Variants in ESCO2 observed in about 807,000 individuals in gnomAD.
ESCO2 encodes the protein N-acetyltransferase ESCO2.
In ESCO2, 51 loss-of-function variants were observed where a neutral mutation model predicts 61.7. The ratio of observed to expected loss-of-function variants is 0.83; its 90% confidence interval spans 0.66 to 1.04. The LOEUF is 1.04. Among genes scored for constraint, ESCO2 ranks in the 50% least tolerant of loss-of-function variants. ESCO2 has a pLI of 0.00. For synonymous variants in ESCO2, 230 were observed against 238.2 expected (o/e 0.97, Z 0.32); for missense variants, 692 against 686.2 (o/e 1.01, Z -0.09).
At chr8:27,808,816 G>C (rs955742180), downstream of ESCO2, among the ~76,000 whole-genome samples, 8 of 152,034 alleles carry the variant, frequency 5.3e-5, no homozygotes, top group Non-Finnish European at 7.4e-5. Flanking sequence ...TTTTCTTCCA[G>C]TTGGTAGCAG....
the ESCO2 span, among the ~76,000 whole-genome samples, chr8:27,819,184 C>T: frequency 6.6e-6 from 1 of 152,096 alleles, no homozygotes; most frequent in African/African-American, 2.4e-5. Context: ...GAACATGTAT[C>T]CTCAAAGAGG....
In ESCO2 at chr8:27,803,566, A is replaced by ACG. The variant is rs1491012950; in HGVS notation, c.*130_*131dup. ...CACACTCATACACACACACACACACACGCACACACACATATCACAGTTTTG... is the reference window on the plus strand; with the variant it reads ...CACACTCATACACACACACACACACACGCGCACACACACATATCACAGTTTTG... On this transcript the variant is annotated 3_prime_UTR_variant, in exon 11 of 11. Transcript: ENST00000305188. 5 of 1,452,010 alleles carry ACG rather than the reference A, an allele frequency of 3.4e-6. 1 individual carries two copies. Among genetic ancestry groups the ACG allele is most frequent in the South Asian group, 1.4e-5 (1 of 69,428 alleles). 89.9% of individuals were successfully genotyped at this position (1,452,010 alleles called of 1,614,324 possible). A position where few individuals can be genotyped will look rare whatever the true frequency, so the allele number is the denominator to read the frequency against.
chr8:27,783,464 A>G (rs1353385039), intron 4 of ESCO2, among the ~76,000 whole-genome samples: 1 of 152,122 alleles, frequency 6.6e-6, no homozygotes, highest in Admixed American at 6.5e-5. Context: ...AAATTTTTTA[A>G]TTTGATAAAG....
rs374472539 is a variant in ESCO2, at chr8:27,791,947, T to C, written c.1264-16T>C. On this transcript the variant is annotated splice_polypyrimidine_tract_variant and intron_variant, in intron 7 of 10. Coordinates refer to ENST00000305188, the MANE Select transcript of ESCO2 (RefSeq NM_001017420.3). ...TTCACAAATTAAACTGTGACCCTTT[T>C]GTTTTCCTTTGGCAGGGTTGGAAGA... 14 of 1,613,316 alleles carry C rather than the reference T, an allele frequency of 8.7e-6. No homozygotes were observed. The highest frequency in any genetic ancestry group is 1.2e-5 in the Non-Finnish European group (14 of 1,179,372).
downstream of ESCO2, chr8:27,812,017 T>C (rs966646291): frequency 2.0e-5 from 3 of 152,200 alleles, no homozygotes; most frequent in Admixed American, 6.5e-5. Flanking sequence ...CTAAACAACA[T>C]ATCAACTGCA....
At chr8:27,816,355 A>T (rs561876262), downstream of ESCO2, among the ~76,000 whole-genome samples, 238 of 140,950 alleles carry the variant, frequency 1.7e-3, 10 homozygotes, top group African/African-American at 4.4e-3. Flanking sequence ...ATATATATAT[A>T]TATTTATTTA....
At chr8:27,781,213 T>C (rs1452066080) in intron 4 of ESCO2, among the ~76,000 whole-genome samples, 1 of 152,226 alleles carries the variant, frequency 6.6e-6, no homozygotes, top group Non-Finnish European at 1.5e-5. Context: ...GGTCCTGATA[T>C]GCCCATTTAT....
intron 7 of ESCO2, 73 bp downstream of exon 7, chr8:27,789,051 T>G: frequency 6.3e-7 from 1 of 1,582,792 alleles, no homozygotes; most frequent in Non-Finnish European, 8.6e-7. Context: ...CCACCACCTC[T>G]ACCACCCAGC....
intron 6 of ESCO2, among the ~76,000 whole-genome samples, 187 bp downstream of exon 6, chr8:27,788,189 A>AT (rs1420210569): frequency 3.9e-5 from 6 of 152,102 alleles, no homozygotes; most frequent in South Asian, 2.1e-4. Flanking sequence ...CCTGCACTCT[A>AT]TTTTTTGTCA....
In ESCO2 at chr8:27,803,365, C is replaced by T. The variant is rs1489877013; in HGVS notation, c.1733C>T (p.Thr578Ile). Reference protein sequence around the residue: ...STDEIAFSDPTPDGKLFATKY... With the variant: ...STDEIAFSDPIPDGKLFATKY... ...GATGAAATAGCATTTTCTGACCCAA[C>T]ACCAGATGGCAAGTTATTTGCAACC... The change falls in exon 11 of 11, where the codon ACA becomes ATA. Residue 578 changes from threonine to isoleucine, a missense_variant. Physicochemically the swap from Thr to Ile is moderately conservative, Grantham distance 89. Transcript: ENST00000305188. The T allele has an allele frequency of 6.2e-7, 1 of 1,614,068 alleles. No homozygotes were observed. The highest frequency in any genetic ancestry group is 8.5e-7 in the Non-Finnish European group (1 of 1,179,992).
chr8:27,778,632 GATT>G (rs778911863), intron 3 of ESCO2: 8 of 152,282 alleles, frequency 5.3e-5, no homozygotes, highest in Middle Eastern at 3.4e-3. Context: ...ATCTCCTGAT[GATT>G]ATTCTTATCT....
Position 27,777,147 on chromosome 8 carries a change from A to G in ESCO2, c.839A>G (p.Lys280Arg), listed in dbSNP as rs1477108600. Residue 280 changes from lysine (K) to arginine (R), a missense_variant, in exon 3 of 11, where the codon AAA becomes AGA. Lys to Arg is a conservative substitution (Grantham distance 26, BLOSUM62 2). Coordinates refer to ENST00000305188, the MANE Select transcript of ESCO2 (RefSeq NM_001017420.3). ...ATTGGACTACTGAGTGCAAGCAGTA[A>G]AAATAAAGAGAAATTAATAAAGGTA... ...LKIGLLSASS[K>R]NKEKLIKDSS... The G allele has an allele frequency of 2.5e-6, 4 of 1,600,152 alleles. No individual in the cohort carries two copies. Among genetic ancestry groups the G allele is most frequent in the Non-Finnish European group, 3.4e-6 (4 of 1,176,900 alleles).
chr8:27,776,978 C>G lies in ESCO2; in HGVS notation c.670C>G (p.Leu224Val), dbSNP rs942483627. Residue 224 changes from leucine to valine, a missense_variant, in exon 3 of 11, where the codon CTG becomes GTG. Coordinates refer to ENST00000305188, the MANE Select transcript of ESCO2 (RefSeq NM_001017420.3). ...AAAATCTTCTCTTAGAAAATCGTCC[C>G]TGGAAAATGAGCCGTCACTGGGACG... ...RKKSSLRKSS[L>V]ENEPSLGRTQ... 1 of 1,613,098 alleles carries G rather than the reference C, an allele frequency of 6.2e-7. No individual in the cohort carries two copies. The highest frequency in any genetic ancestry group is 8.5e-7 in the Non-Finnish European group (1 of 1,179,764).
chr8:27,786,245 T>C (rs1805039005), intron 5 of ESCO2, among the ~76,000 whole-genome samples: 1 of 152,178 alleles, frequency 6.6e-6, no homozygotes, highest in Admixed American at 6.5e-5. Flanking sequence ...AAGGATCTTT[T>C]TAAAGAAGGG....
chr8:27,789,154 A>G (rs1805116939), intron 7 of ESCO2, among the ~76,000 whole-genome samples, 176 bp downstream of exon 7: 1 of 152,212 alleles, frequency 6.6e-6, no homozygotes, highest in Non-Finnish European at 1.5e-5. Context: ...GCAGAGCTGA[A>G]CAGTCCAGAT....
At chr8:27,811,272 C>A (rs898047895), downstream of ESCO2, 3 of 699,228 alleles carry the variant, frequency 4.3e-6, no homozygotes, top group Non-Finnish European at 7.5e-6. Context: ...AAAATACACT[C>A]AACCTCAATA....
chr8:27,807,515 T>C (rs1805585490), downstream of ESCO2, among the ~76,000 whole-genome samples: 1 of 152,186 alleles, frequency 6.6e-6, no homozygotes, highest in Admixed American at 6.5e-5. Context: ...TGAACTAGTT[T>C]TCTTTTGGAC....
rs1399232000 is a variant in ESCO2, at chr8:27,791,983, A to G, written c.1284A>G (p.Val428=). The G allele has an allele frequency of 3.7e-6, 6 of 1,614,140 alleles. No homozygotes were observed. The highest frequency in any genetic ancestry group is 5.1e-6 in the Non-Finnish European group (6 of 1,180,016). Residue 428 remains valine (V), a synonymous_variant, in exon 8 of 11, where the codon GTA becomes GTG. Transcript: ENST00000305188. ...GGCAGGGTTGGAAGAAAGAACGTGTAGTAGCAGAGTTTTGGGATGGGAAAA... is the reference window on the plus strand; with the variant it reads ...GGCAGGGTTGGAAGAAAGAACGTGTGGTAGCAGAGTTTTGGGATGGGAAAA... ...IKYVGWKKER[V]VAEFWDGKIV...
chr8:27,772,283 T>C (rs568773569), upstream of ESCO2, among the ~76,000 whole-genome samples: 2 of 152,110 alleles, frequency 1.3e-5, no homozygotes, highest in Admixed American at 6.5e-5. Context: ...GATACAAACA[T>C]AGCAGTGGCA....
Sources: allele counts gnomAD v4.1 joint callset (sites outside exome capture counted in the v4.1 genomes callset), GRCh38; gene constraint gnomAD v4.1.1; transcripts MANE v1.5; gene names NCBI Gene and HGNC (gene_info 2026-07-23, HGNC 2026-07-21).